FRMD4B: variants seen among roughly 807,000 people sequenced by gnomAD.
FRMD4B encodes the protein FERM domain-containing protein 4B.
FRMD4B carries 74 observed loss-of-function variants against 141.5 expected under a neutral mutation model. The ratio of observed to expected loss-of-function variants is 0.52; its 90% CI spans 0.43 to 0.63. The LOEUF is 0.63. Among genes scored for constraint, FRMD4B ranks in the 30% least tolerant of loss-of-function variants. FRMD4B has a pLI of 0.00. For missense variants in FRMD4B, 1,366 were observed against 1,253.4 expected, an observed-to-expected ratio of 1.09 and a Z score of -1.36; for synonymous variants, 506 against 467.9, an observed-to-expected ratio of 1.08 and a Z score of -1.05.
intron 1 of FRMD4B, chr3:69,535,645 C>T (rs1701073599): frequency 4.7e-6 from 1 of 212,202 alleles, no homozygotes; most frequent in African/African-American, 2.3e-5. Flanking sequence ...GTCTCTCCGC[C>T]CCTGCCTCCG....
chr3:69,403,493 TA>T (rs1474789658), intron 2 of FRMD4B, among the ~76,000 whole-genome samples: 2 of 152,154 alleles, frequency 1.3e-5, no homozygotes, highest in African/African-American at 4.8e-5. Flanking sequence ...GAAATCTCAG[TA>T]AGGAAGAAAG....
At position 69,193,644 on chromosome 3, in the gene FRMD4B, T is replaced by A; in HGVS notation, c.1714+4A>T. 6.4e-7 allele frequency: 1 copy of A among 1,572,864 alleles called. No individual in the cohort carries two copies. The highest frequency in any genetic ancestry group is 8.7e-7 in the Non-Finnish European group (1 of 1,146,834). On this transcript the variant is annotated splice_donor_region_variant and intron_variant, in intron 17 of 22. Coordinates refer to ENST00000398540, the MANE Select transcript of FRMD4B (RefSeq NM_015123.3). ...CAAAAAAAAAAACCTTACTTATTACTAACCTGGTAACACTGTTGCTTTCTG... is the reference window on the plus strand; with the variant it reads ...CAAAAAAAAAAACCTTACTTATTACAAACCTGGTAACACTGTTGCTTTCTG...
intron 5 of FRMD4B, among the ~76,000 whole-genome samples, chr3:69,281,449 A>G (rs1409704103): frequency 1.3e-5 from 2 of 152,164 alleles, no homozygotes; most frequent in African/African-American, 4.8e-5. Flanking sequence ...TTGGGAAACA[A>G]GTGTTATCAG....
intron 1 of FRMD4B, among the ~76,000 whole-genome samples, chr3:69,496,757 A>C (rs999219153): frequency 3.9e-5 from 6 of 151,988 alleles, no homozygotes; most frequent in Non-Finnish European, 8.8e-5. Flanking sequence ...TCATTAACTC[A>C]AGCCAATAAA....
In FRMD4B at chr3:69,179,430, T is replaced by C. The variant is rs114950045; in HGVS notation, c.2851+1469A>G. 6.3e-3 allele frequency among the ~76,000 whole-genome samples: 967 copies of C among 152,286 alleles called. 11 individuals are homozygous for C. Among genetic ancestry groups the C allele is most frequent in the African/African-American group, 0.022 (911 of 41,560 alleles). ...TGAAAGTTTCTCACATCTTGAACTTTAAGAGGAAGAAAGGTGTTTTCTAGG... is the reference window on the plus strand; with the variant it reads ...TGAAAGTTTCTCACATCTTGAACTTCAAGAGGAAGAAAGGTGTTTTCTAGG... On this transcript the variant is annotated intron_variant, in intron 21 of 22. Transcript: ENST00000398540.
At chr3:69,541,712 C>G (rs565647977) in intron 1 of FRMD4B, among the ~76,000 whole-genome samples, 98 of 152,262 alleles carry the variant, frequency 6.4e-4, no homozygotes, top group African/African-American at 2.3e-3. Flanking sequence ...AACATAGGAG[C>G]GGCTAGGATC....
At chr3:69,405,364 T>A (rs1171531369) in intron 2 of FRMD4B, among the ~76,000 whole-genome samples, 1 of 152,176 alleles carries the variant, frequency 6.6e-6, no homozygotes, top group African/African-American at 2.4e-5. Context: ...GGTTAAATCA[T>A]GGGCAAGGAT....
At chr3:69,309,558 T>A (rs950665870) in intron 3 of FRMD4B, among the ~76,000 whole-genome samples, 1 of 150,156 alleles carries the variant, frequency 6.7e-6, no homozygotes, top group African/African-American at 2.5e-5. Context: ...TCCTCCCACC[T>A]CAGCCTCCCG....
chr3:69,254,262 G>A (rs2093479645), intron 5 of FRMD4B, among the ~76,000 whole-genome samples: 2 of 151,906 alleles, frequency 1.3e-5, no homozygotes, highest in Admixed American at 6.6e-5. Flanking sequence ...CCACTACCAT[G>A]CCCGGCTAAT....
rs973122778 is a variant in FRMD4B, at chr3:69,224,950, T to C, written c.582-260A>G. 2.6e-5 allele frequency among the ~76,000 whole-genome samples: 4 copies of C among 152,352 alleles called. No homozygotes were observed. In the East Asian group the frequency reaches 7.7e-4, roughly 29 times the overall value. On this transcript the variant is annotated intron_variant, in intron 7 of 22. Transcript: ENST00000398540. The stretch of plus-strand genomic sequence containing the variant: ...TTATAATTGTACATTTTTCACATTG[T>C]ATTTTTACAGAATATTCTTCACATT...
At chr3:69,359,985 T>A (rs1029836460) in intron 1 of FRMD4B, among the ~76,000 whole-genome samples, 4 of 152,214 alleles carry the variant, frequency 2.6e-5, no homozygotes, top group Non-Finnish European at 4.4e-5. Flanking sequence ...CTCTTACAAA[T>A]GGCCTTTCCA....
intron 1 of FRMD4B, among the ~76,000 whole-genome samples, chr3:69,517,057 A>G (rs1426714007): frequency 1.3e-5 from 2 of 152,112 alleles, no homozygotes; most frequent in African/African-American, 2.4e-5. Flanking sequence ...CTCTTTACAC[A>G]TGAGGCCTTT....
chr3:69,363,248 G>GTTTTT (rs56074743), intron 1 of FRMD4B, among the ~76,000 whole-genome samples: 2 of 132,726 alleles, frequency 1.5e-5, no homozygotes, highest in East Asian at 4.3e-4. Context: ...TTTTTACCAT[G>GTTTTT]TTTTTTTTTT....
At position 69,377,430 on chromosome 3, in the gene FRMD4B, T is replaced by G. The variant is rs373559724; in HGVS notation, c.162+8398A>C. ...CATCCTCACATCAAGGCAATCTCAC[T>G]CTTCACTTTCTTCCTGCTGCCCTTG... On this transcript the variant is annotated intron_variant, in intron 1 of 22. Coordinates refer to ENST00000398540, the MANE Select transcript of FRMD4B (RefSeq NM_015123.3). Among the ~76,000 whole-genome samples the G allele has an allele frequency of 8.5e-5, 13 of 152,326 alleles. No homozygotes were observed. The South Asian group carries it at 2.7e-3, about 32-fold the overall frequency.
intron 1 of FRMD4B, among the ~76,000 whole-genome samples, chr3:69,384,572 A>G (rs1367274950): frequency 6.6e-6 from 1 of 152,258 alleles, no homozygotes. Flanking sequence ...ATATATCCAC[A>G]ATTCCCTAAT....
intron 11 of FRMD4B, among the ~76,000 whole-genome samples, chr3:69,203,386 C>A (rs1559713746): frequency 6.7e-6 from 1 of 148,158 alleles, no homozygotes; most frequent in Non-Finnish European, 1.5e-5. Flanking sequence ...AGCAGAGGAA[C>A]CTTTAGGAGA....
At chr3:69,482,432 G>A (rs1457168316) in intron 1 of FRMD4B, among the ~76,000 whole-genome samples, 2 of 152,064 alleles carry the variant, frequency 1.3e-5, no homozygotes, top group Non-Finnish European at 2.9e-5. Flanking sequence ...ACAGGTGACT[G>A]TTTTGTGAAG....
chr3:69,347,675 A>T (rs1033194778), intron 1 of FRMD4B, among the ~76,000 whole-genome samples: 1 of 152,218 alleles, frequency 6.6e-6, no homozygotes, highest in East Asian at 1.9e-4. Flanking sequence ...AGGATTAAGA[A>T]ACTCACTCAA....
At chr3:69,445,772 T>A (rs889019370) in intron 1 of FRMD4B, among the ~76,000 whole-genome samples, 1 of 152,222 alleles carries the variant, frequency 6.6e-6, no homozygotes, top group Admixed American at 6.5e-5. Flanking sequence ...TCAACTCGCA[T>A]GACCTTCCCA....
Sources: gnomAD v4.1 joint callset for allele counts (sites outside exome capture counted in the v4.1 genomes callset) on GRCh38, gnomAD v4.1.1 for gene constraint, MANE v1.5 for transcripts, NCBI Gene and HGNC (gene_info 2026-07-23, HGNC 2026-07-21) for gene names.